The following IGSF9B variants were observed in gnomAD, a reference collection of about 807,000 sequenced individuals.
IGSF9B encodes protein turtle homolog B.
In IGSF9B, 48 loss-of-function variants were observed where a neutral mutation model predicts 143.7. The observed-to-expected ratio is 0.33, with a 90% confidence interval of 0.26 to 0.42. The LOEUF (loss-of-function observed/expected upper bound fraction) is 0.42. IGSF9B is among the 20% of genes least tolerant of loss of function. The pLI, the probability that IGSF9B is intolerant of heterozygous loss-of-function variation, is 1.00. For missense variants in IGSF9B, 1,706 were observed against 1,980.0 expected (o/e 0.86, Z 2.63); for synonymous variants, 903 against 833.1 (o/e 1.08, Z -1.44).
In IGSF9B at chr11:133,908,980, G is replaced by T; in HGVS notation, c.*89C>A. ...AGGACAAAGGTCTGGGCCGCCCTTG[G>T]CAGACGGAGGAGGACACACCCCCAC... On this transcript the variant is annotated 3_prime_UTR_variant, in exon 20 of 20. Transcript: ENST00000533871. 8.6e-7 allele frequency: 1 copy of T among 1,167,706 alleles called. No homozygotes were observed. The allele number at this position is 1,167,706 out of a possible 1,614,324, so 72.3% of individuals were successfully genotyped here.
intron 18 of IGSF9B, among the ~76,000 whole-genome samples, chr11:133,914,801 CAT>C (rs1223901966): frequency 6.6e-6 from 1 of 152,228 alleles, no homozygotes; most frequent in East Asian, 1.9e-4. Context: ...AGAAAAGACA[CAT>C]AGAATGTGAC....
intron 1 of IGSF9B, among the ~76,000 whole-genome samples, chr11:133,951,094 C>T (rs974960161): frequency 2.6e-5 from 4 of 152,160 alleles, no homozygotes; most frequent in Non-Finnish European, 5.9e-5. Context: ...GGGGCTCTCA[C>T]AAAGTGGGAG....
rs985586983 is a variant in IGSF9B at position 133,948,573 on chromosome 11, A to G, written c.65-2315T>C. Among the ~76,000 whole-genome samples, 1 of 149,952 alleles carries G rather than the reference A, an allele frequency of 6.7e-6. No homozygotes were observed. Among genetic ancestry groups the G allele is most frequent in the Non-Finnish European group, 1.5e-5 (1 of 67,578 alleles). Reference sequence around the variant, plus strand: ...GGATCACAAAGGCGGATGCTGGACCAAGAGGAATGGGTGAATAATGGGTGC... The same window carrying G: ...GGATCACAAAGGCGGATGCTGGACCGAGAGGAATGGGTGAATAATGGGTGC... On this transcript the variant is annotated intron_variant, in intron 1 of 19. Coordinates refer to ENST00000533871, the MANE Select transcript of IGSF9B (RefSeq NM_001277285.4). This position sits in a 1 kb window ranked among gnomAD's most constrained non-coding sequence, Gnocchi z 4.7.
At chr11:133,930,507 G>A (rs899635478) in intron 11 of IGSF9B, among the ~76,000 whole-genome samples, 4 of 152,142 alleles carry the variant, frequency 2.6e-5, no homozygotes, top group Non-Finnish European at 5.9e-5. Flanking sequence ...TGGGACACGC[G>A]CTTCGGGCAA....
chr11:133,917,434 C>T (rs1565418407), intron 18 of IGSF9B, among the ~76,000 whole-genome samples: 2 of 152,062 alleles, frequency 1.3e-5, no homozygotes, highest in East Asian at 3.9e-4. Context: ...CAGCTCAATG[C>T]CTGTCTGCCC....
rs542827758 is a variant in IGSF9B, at chr11:133,905,566, T to C, written c.*3503A>G. 2.6e-4 allele frequency among the ~76,000 whole-genome samples: 39 copies of C among 152,160 alleles called. No homozygotes were observed. The highest frequency in any genetic ancestry group is 7.0e-4 in the African/African-American group (29 of 41,494). On this transcript the variant is annotated 3_prime_UTR_variant, in exon 20 of 20. Coordinates refer to ENST00000533871, the MANE Select transcript of IGSF9B (RefSeq NM_001277285.4). This position sits in a 1 kb window ranked among gnomAD's most constrained non-coding sequence, Gnocchi z 4.0. The stretch of plus-strand genomic sequence containing the variant: ...GAGAGCATGGAAAAATAACAAGAAA[T>C]ACTCGGCTCAATCCACCCGGCTTCA...
chr11:133,933,281 C>T (rs573134596), intron 7 of IGSF9B, among the ~76,000 whole-genome samples: 1 of 152,364 alleles, frequency 6.6e-6, no homozygotes, highest in Non-Finnish European at 1.5e-5. Flanking sequence ...CCTTCCCCAA[C>T]AGCTCCTTAT....
chr11:133,929,769 A>T lies in IGSF9B; in HGVS notation c.1533T>A (p.His511Gln). 3 of 1,612,840 alleles carry T rather than the reference A, an allele frequency of 1.9e-6. No individual in the cohort carries two copies. Among genetic ancestry groups the T allele is most frequent in the Non-Finnish European group, 2.5e-6 (3 of 1,178,928 alleles). Residue 511 changes from histidine to glutamine, a missense_variant, in exon 12 of 20, where the codon CAT becomes CAA. This residue lies in a region of IGSF9B where 267 missense variants were observed against 321.1 expected (regional missense o/e 0.83). Coordinates refer to ENST00000533871, the MANE Select transcript of IGSF9B (RefSeq NM_001277285.4). The part of the protein sequence containing the change: ...THLTVIGTSP[H>Q]APGSVRVQVS... ...CCTGGACCCGGACACTGCCCGGGGC[A>T]TGGGGGCTGGTGCCTGGAGATCAAG...
intron 6 of IGSF9B, 32 bp from the exon 7 acceptor site, chr11:133,935,794 C>G (rs372431514): frequency 1.2e-6 from 2 of 1,601,856 alleles, no homozygotes; most frequent in African/African-American, 1.3e-5. Flanking sequence ...GGGGGTTGGG[C>G]GAGCAGAAGG....
In IGSF9B at chr11:133,931,541, C is replaced by G; in HGVS notation, c.1280G>C (p.Gly427Ala). ...KDPPYFTVLP[G>A]WEYRQEAGRE... ...GCCGGCCTCCTGCCTGTACTCCCAG[C>G]CTGGTAGCACCGTGAAATAGGGGGG... The change falls in exon 10 of 20, where the codon GGC (glycine) becomes GCC (alanine). Residue 427 changes from glycine to alanine, a missense_variant. By Grantham distance (60) the Gly-to-Ala change is moderately conservative. Coordinates refer to ENST00000533871, the MANE Select transcript of IGSF9B (RefSeq NM_001277285.4). This position sits in a 1 kb window ranked among gnomAD's most constrained non-coding sequence, Gnocchi z 7.7. 6.2e-7 allele frequency: 1 copy of G among 1,613,394 alleles called. No homozygotes were observed.
rs1455378182 is a variant in IGSF9B, at chr11:133,907,453, G to C, written c.*1616C>G. Among the ~76,000 whole-genome samples the C allele has an allele frequency of 6.6e-6, 1 of 152,198 alleles. No individual in the cohort carries two copies. The highest frequency in any genetic ancestry group is 1.5e-5 in the Non-Finnish European group (1 of 68,028). On this transcript the variant is annotated 3_prime_UTR_variant, in exon 20 of 20. Coordinates refer to ENST00000533871, the MANE Select transcript of IGSF9B (RefSeq NM_001277285.4). Reference sequence around the variant, plus strand: ...AGGTGGGTGCCCCCAAACCCACCAAGACAGCAGCACCAAGAAGGAAATACT... The same window carrying C: ...AGGTGGGTGCCCCCAAACCCACCAACACAGCAGCACCAAGAAGGAAATACT...
chr11:133,918,618 C>T (rs993772410), intron 18 of IGSF9B, among the ~76,000 whole-genome samples: 3 of 147,002 alleles, frequency 2.0e-5, no homozygotes, highest in Middle Eastern at 6.9e-3. Context: ...GGTGGGGCTG[C>T]GGGTGGGAGG....
At position 133,900,518 on chromosome 11, in the gene IGSF9B, A is replaced by C. The variant is rs1939102837; in HGVS notation, c.*8551T>G. 1 of 152,512 alleles carries C rather than the reference A, an allele frequency of 6.6e-6. No individual in the cohort carries two copies. 9.4% of individuals were successfully genotyped at this position (152,512 alleles called of 1,614,324 possible). On this transcript the variant is annotated 3_prime_UTR_variant, in exon 20 of 20. Coordinates refer to ENST00000533871, the MANE Select transcript of IGSF9B (RefSeq NM_001277285.4). ...TACAAGTGAACTCCTGCTCCCCAGA[A>C]TCTCCCATTGTGGGTCCAGTTCTGC...
rs1385331685 is a variant in IGSF9B at position 133,948,626 on chromosome 11, T to TGG, written c.65-2369_65-2368insCC. Among the ~76,000 whole-genome samples, 3 of 113,038 alleles carry TGG rather than the reference T, an allele frequency of 2.7e-5. No homozygotes were observed. Among genetic ancestry groups the TGG allele is most frequent in the African/African-American group, 1.1e-4 (3 of 27,864 alleles). The allele number at this position is 113,038 out of a possible 152,430, so 74.2% of individuals were successfully genotyped here. On this transcript the variant is annotated intron_variant, in intron 1 of 19. Transcript: ENST00000533871. This position sits in a 1 kb window ranked among gnomAD's most constrained non-coding sequence, Gnocchi z 4.7. ...TGAGTTTGCAGAGAAGCTGTGTGTG[T>TGG]GTGTGTGTGTGTGTGTGTGTGTGTG... is the stretch of plus-strand genomic sequence containing the variant.
At chr11:133,950,855 T>C (rs908582456) in intron 1 of IGSF9B, among the ~76,000 whole-genome samples, 2 of 143,970 alleles carry the variant, frequency 1.4e-5, no homozygotes, top group Admixed American at 7.0e-5. Context: ...TTAGTACAAG[T>C]CCTTATTGCA....
intron 18 of IGSF9B, among the ~76,000 whole-genome samples, chr11:133,918,612 G>C (rs1488215652): frequency 6.6e-6 from 1 of 152,142 alleles, no homozygotes; most frequent in African/African-American, 2.4e-5. Flanking sequence ...GCCCGCGGTG[G>C]GGCTGCGGGT....
In IGSF9B at chr11:133,926,913, C is replaced by A; in HGVS notation, c.1807+3G>T. The A allele has an allele frequency of 6.3e-7, 1 of 1,584,398 alleles. No individual in the cohort carries two copies. The highest frequency in any genetic ancestry group is 2.3e-5 in the East Asian group (1 of 43,368). On this transcript the variant is annotated splice_donor_region_variant and intron_variant, in intron 13 of 19. Coordinates refer to ENST00000533871, the MANE Select transcript of IGSF9B (RefSeq NM_001277285.4). ...CTCCCAACATCCCACCCCGGGCCCT[C>A]ACCTAAAGTGTTCACAGTGACCACC...
intron 1 of IGSF9B, among the ~76,000 whole-genome samples, chr11:133,950,866 GCCTCCTCCTCCT>G (rs35266790): frequency 6.6e-6 from 1 of 150,572 alleles, no homozygotes; most frequent in South Asian, 2.1e-4. Flanking sequence ...CCTTATTGCA[GCCTCCTCCTCCT>G]CCTCCTCCTC....
intron 1 of IGSF9B, among the ~76,000 whole-genome samples, 160 bp downstream of exon 1, chr11:133,956,531 G>A (rs1940257451): frequency 0.015 from 1 of 68 alleles, no homozygotes; most frequent in South Asian, 0.12. Flanking sequence ...CAATGCTCCC[G>A]GGCCGCCTGG....
Sources: allele counts gnomAD v4.1 joint callset (sites outside exome capture counted in the v4.1 genomes callset), GRCh38; gene constraint gnomAD v4.1.1; regional missense constraint gnomAD v4.1.1; non-coding constraint Gnocchi (gnomAD v3.1); transcripts MANE v1.5; gene names NCBI Gene and HGNC (gene_info 2026-07-23, HGNC 2026-07-21).